ANKS1B: variants seen among roughly 807,000 people sequenced by gnomAD.
The protein encoded by ANKS1B is ankyrin repeat and sterile alpha motif domain-containing protein 1B.
In ANKS1B, 36 loss-of-function variants were observed where a neutral mutation model predicts 148.3. The observed-to-expected ratio is 0.24, with a 90% CI of 0.19 to 0.32. The LOEUF (loss-of-function observed/expected upper bound fraction) is 0.32. Ranked by LOEUF, ANKS1B falls within the 10% of genes least tolerant of loss-of-function variation. ANKS1B has a pLI of 1.00. For missense variants in ANKS1B, 1,157 were observed against 1,542.6 expected (o/e 0.75, Z 4.19); for synonymous variants, 542 against 560.8 (o/e 0.97, Z 0.47).
chr12:98,964,215 A>G (rs889878201), intron 17 of ANKS1B, among the ~76,000 whole-genome samples: 2 of 152,240 alleles, frequency 1.3e-5, no homozygotes, highest in African/African-American at 4.8e-5. Flanking sequence ...ATCACTGATC[A>G]TCAGAGAAAT....
chr12:99,149,906 G>A (rs1448053390), intron 15 of ANKS1B, among the ~76,000 whole-genome samples: 1 of 152,128 alleles, frequency 6.6e-6, no homozygotes, highest in Non-Finnish European at 1.5e-5. Context: ...AGATCCCTGT[G>A]GTGTAGTGTG....
intron 10 of ANKS1B, among the ~76,000 whole-genome samples, chr12:99,449,539 C>T (rs968270179): frequency 2.0e-5 from 3 of 152,130 alleles, no homozygotes; most frequent in Admixed American, 6.6e-5. Context: ...TAACTACCAT[C>T]TTCTATCATT....
At chr12:99,653,144 T>A (rs1192039191) in intron 9 of ANKS1B, among the ~76,000 whole-genome samples, 1 of 151,994 alleles carries the variant, frequency 6.6e-6, no homozygotes, top group Middle Eastern at 3.2e-3. Context: ...AACCTAATAT[T>A]AAAAATTGTA....
intron 17 of ANKS1B, among the ~76,000 whole-genome samples, chr12:98,911,500 GT>G (rs376706790): frequency 1.3e-5 from 2 of 152,300 alleles, no homozygotes; most frequent in Non-Finnish European, 2.9e-5. Flanking sequence ...GAGTTGGATT[GT>G]TTTTGTTCTA....
chr12:98,893,489 A>G (rs1002345455), intron 17 of ANKS1B: 1 of 152,230 alleles, frequency 6.6e-6, no homozygotes, highest in Non-Finnish European at 1.5e-5. Flanking sequence ...GAAGAGAACT[A>G]GACTCTCTTA....
chr12:98,865,751 A>G (rs1014086403), intron 17 of ANKS1B, among the ~76,000 whole-genome samples: 2 of 152,142 alleles, frequency 1.3e-5, no homozygotes, highest in Non-Finnish European at 2.9e-5. Flanking sequence ...AGGGACTCAC[A>G]CAGATATCTG....
intron 25 of ANKS1B, among the ~76,000 whole-genome samples, chr12:98,759,647 C>T (rs917222650): frequency 6.6e-6 from 1 of 152,148 alleles, no homozygotes; most frequent in Non-Finnish European, 1.5e-5. Context: ...CAAGGGTTCA[C>T]TGATACATGT....
chr12:98,880,388 G>A (rs1245972151), intron 17 of ANKS1B, among the ~76,000 whole-genome samples: 4 of 152,182 alleles, frequency 2.6e-5, no homozygotes, highest in African/African-American at 9.7e-5. Flanking sequence ...TATGGAACTG[G>A]GTTTTGGTAA....
At chr12:99,876,054 A>C (rs1285709375) in intron 1 of ANKS1B, among the ~76,000 whole-genome samples, 1 of 152,158 alleles carries the variant, frequency 6.6e-6, no homozygotes, top group Non-Finnish European at 1.5e-5. Flanking sequence ...CAATATGTAA[A>C]CTGCTTCGAT....
chr12:98,997,198 G>C (rs2099930206), intron 17 of ANKS1B, among the ~76,000 whole-genome samples: 2 of 152,040 alleles, frequency 1.3e-5, no homozygotes, highest in African/African-American at 4.8e-5. Context: ...ATTACTAAAA[G>C]GATATATACC....
intron 10 of ANKS1B, among the ~76,000 whole-genome samples, chr12:99,482,826 A>G (rs1479771064): frequency 6.6e-6 from 1 of 152,040 alleles, no homozygotes; most frequent in Non-Finnish European, 1.5e-5. Context: ...TTGTTGGTGT[A>G]TAGCAGTGCT....
chr12:99,130,413 G>A (rs2065763944), intron 15 of ANKS1B, among the ~76,000 whole-genome samples: 1 of 151,996 alleles, frequency 6.6e-6, no homozygotes, highest in Non-Finnish European at 1.5e-5. Context: ...TACTTGCTTA[G>A]GCTGAATTCA....
At chr12:99,866,050 A>C (rs2153723175) in intron 1 of ANKS1B, among the ~76,000 whole-genome samples, 1 of 152,308 alleles carries the variant, frequency 6.6e-6, no homozygotes, top group Admixed American at 6.5e-5. Flanking sequence ...TCCCAGAAAT[A>C]GCGCTCCAAC....
intron 14 of ANKS1B, among the ~76,000 whole-genome samples, chr12:99,215,070 A>G (rs897264722): frequency 1.3e-5 from 2 of 152,222 alleles, no homozygotes; most frequent in African/African-American, 4.8e-5. Flanking sequence ...AAAAGCATTC[A>G]GTTTTATTCA....
chr12:98,765,607 A>G (rs1424176133), intron 25 of ANKS1B, among the ~76,000 whole-genome samples: 2 of 152,124 alleles, frequency 1.3e-5, no homozygotes, highest in Non-Finnish European at 2.9e-5. Flanking sequence ...CCCAGGCTAG[A>G]GTGCAGTGGT....
At position 99,712,392 on chromosome 12, in the gene ANKS1B, T is replaced by C. The variant is rs113530926; in HGVS notation, c.1129-57182A>G. On this transcript the variant is annotated intron_variant, in intron 8 of 26. Coordinates refer to ENST00000683438, the MANE Select transcript of ANKS1B (RefSeq NM_001352186.2). ...GGACCTATGAAGCTACAATTAAGGT[T>C]CCTGAGAGTGAGAGATTATTATGGA... 3.6e-3 allele frequency among the ~76,000 whole-genome samples: 543 copies of C among 152,236 alleles called. 2 individuals carry two copies. Among genetic ancestry groups the C allele is most frequent in the Middle Eastern group, 0.01 (3 of 294 alleles).
intron 15 of ANKS1B, among the ~76,000 whole-genome samples, chr12:99,107,246 A>G (rs1417200635): frequency 2.0e-5 from 3 of 152,160 alleles, no homozygotes; most frequent in African/African-American, 7.2e-5. Flanking sequence ...CGTGCCTCTA[A>G]GAGCCATTTC....
chr12:99,868,603 T>A (rs2091063418), intron 1 of ANKS1B, among the ~76,000 whole-genome samples: 1 of 152,066 alleles, frequency 6.6e-6, no homozygotes, highest in South Asian at 2.1e-4. Context: ...ATTATTGGAT[T>A]TCAGGTCAAA....
At position 99,862,716 on chromosome 12, in the gene ANKS1B, C is replaced by A. The variant is rs187228120; in HGVS notation, c.135-37327G>T. Reference sequence around the variant, plus strand: ...AATTATTATAATGTATTGTTTTCATCTTCCTGCCCAATATCCAAACTTTAT... The same window carrying A: ...AATTATTATAATGTATTGTTTTCATATTCCTGCCCAATATCCAAACTTTAT... On this transcript the variant is annotated intron_variant, in intron 1 of 26. Coordinates refer to ENST00000683438, the MANE Select transcript of ANKS1B (RefSeq NM_001352186.2). Among the ~76,000 whole-genome samples the A allele has an allele frequency of 3.3e-3, 499 of 152,282 alleles. 2 individuals carry two copies. Among genetic ancestry groups the A allele is most frequent in the African/African-American group, 0.012 (493 of 41,568 alleles).
Sources: gnomAD v4.1 joint callset for allele counts (sites outside exome capture counted in the v4.1 genomes callset) on GRCh38, gnomAD v4.1.1 for gene constraint, MANE v1.5 for transcripts, NCBI Gene and HGNC (gene_info 2026-07-23, HGNC 2026-07-21) for gene names.